Variants in ABCA13 observed in about 807,000 individuals in gnomAD.
ABCA13 encodes the protein ATP binding cassette subfamily A member 13, also known as ATP-binding cassette sub-family A member 13.
ABCA13 carries 476 observed loss-of-function variants against 478.7 expected under a neutral mutation model. The observed-to-expected ratio is 0.99, with a 90% CI of 0.92 to 1.07. ABCA13 has a LOEUF of 1.07. ABCA13 is among the 50% of genes least tolerant of loss of function. The pLI is 0.00. For synonymous variants in ABCA13, 2,252 were observed against 2,158.9 expected, an observed-to-expected ratio of 1.04 and a Z score of -1.20; for missense variants, 6,060 against 5,910.6, an observed-to-expected ratio of 1.03 and a Z score of -0.83.
intron 3 of ABCA13, among the ~76,000 whole-genome samples, chr7:48,206,413 G>A (rs1425549793): frequency 6.6e-6 from 1 of 152,226 alleles, no homozygotes; most frequent in Non-Finnish European, 1.5e-5. Context: ...GGCTAGGTAT[G>A]TAGTAGGCTC....
At chr7:48,343,492 A>T (rs1194964119) in intron 29 of ABCA13, among the ~76,000 whole-genome samples, 1 of 152,156 alleles carries the variant, frequency 6.6e-6, no homozygotes, top group Non-Finnish European at 1.5e-5. Context: ...TTTTGGCAGG[A>T]TCAAATACCA....
At chr7:48,187,006 T>G (rs1003039819) in intron 1 of ABCA13, among the ~76,000 whole-genome samples, 2 of 116,694 alleles carry the variant, frequency 1.7e-5, no homozygotes, top group Non-Finnish European at 3.5e-5. Flanking sequence ...TATGCATATA[T>G]ATATGTGTGT....
At chr7:48,251,051 A>G (rs1792476494) in intron 15 of ABCA13, among the ~76,000 whole-genome samples, 2 of 152,214 alleles carry the variant, frequency 1.3e-5, no homozygotes, top group African/African-American at 2.4e-5. Flanking sequence ...TGTAGCTCTC[A>G]GTATCAAATC....
chr7:48,408,046 A>G (rs1818493780), intron 39 of ABCA13, among the ~76,000 whole-genome samples: 1 of 152,206 alleles, frequency 6.6e-6, no homozygotes, highest in African/African-American at 2.4e-5. Context: ...GCTAATTTAC[A>G]TGTGCATCAC....
At chr7:48,438,884 G>GTTTTGTT (rs377348909) in intron 42 of ABCA13, among the ~76,000 whole-genome samples, 47 of 139,420 alleles carry the variant, frequency 3.4e-4, no homozygotes, top group East Asian at 3.1e-3. Flanking sequence ...TTTTGCTAAG[G>GTTTTGTT]TTTTTTTTTT....
intron 43 of ABCA13, among the ~76,000 whole-genome samples, chr7:48,463,485 G>C (rs1826496873): frequency 6.6e-6 from 1 of 152,158 alleles, no homozygotes. Context: ...GGTCTCTGGA[G>C]ATTTGCAGGT....
intron 50 of ABCA13, among the ~76,000 whole-genome samples, chr7:48,509,071 AGG>A (rs774349466): frequency 5.9e-5 from 9 of 152,310 alleles, no homozygotes; most frequent in Non-Finnish European, 1.2e-4. Flanking sequence ...AGGATTCCCA[AGG>A]GCCTATCCTT....
chr7:48,512,692 T>C (rs1203900231), intron 51 of ABCA13, among the ~76,000 whole-genome samples: 2 of 152,226 alleles, frequency 1.3e-5, no homozygotes, highest in Non-Finnish European at 2.9e-5. Context: ...AACACGCTTT[T>C]AGAAATTTTT....
At chr7:48,288,114 T>G in intron 20 of ABCA13, 36 bp downstream of exon 20, 1 of 1,572,924 alleles carries the variant, frequency 6.4e-7, no homozygotes. Flanking sequence ...AATTTCATGT[T>G]CATGACTATT....
chr7:48,452,683 G>A (rs1041403633), intron 42 of ABCA13, among the ~76,000 whole-genome samples: 2 of 152,188 alleles, frequency 1.3e-5, no homozygotes, highest in African/African-American at 4.8e-5. Context: ...AAGCTGCTAC[G>A]TAAAGGCTAA....
chr7:48,400,157 T>C (rs1376581712), intron 38 of ABCA13, among the ~76,000 whole-genome samples: 1 of 152,126 alleles, frequency 6.6e-6, no homozygotes, highest in East Asian at 1.9e-4. Context: ...GGAATCCCTA[T>C]AGCTCCTGGG....
chr7:48,182,446 A>G (rs182735856), intron 1 of ABCA13, among the ~76,000 whole-genome samples: 1 of 152,284 alleles, frequency 6.6e-6, no homozygotes, highest in Admixed American at 6.5e-5. Context: ...GGGTTGTACC[A>G]ATATGCATCT....
At chr7:48,322,265 A>C (rs1371485129) in intron 27 of ABCA13, among the ~76,000 whole-genome samples, 2 of 152,140 alleles carry the variant, frequency 1.3e-5, no homozygotes, top group East Asian at 3.9e-4. Flanking sequence ...CAGAGGAGGG[A>C]CTCTGATAGT....
chr7:48,587,264 G>C lies in ABCA13; in HGVS notation c.14616G>C (p.Val4872=). The part of the protein sequence containing the change: ...KRKLSTALAL[V]GKPDILLLDE... ...AACTCTCTACAGCCCTGGCCCTGGT[G>C]GGGAAACCTGACATTCTTTTATTGG... The change falls in exon 57 of 62, where the codon GTG becomes GTC. Residue 4872 remains valine (V), a synonymous_variant. Coordinates refer to ENST00000435803, the MANE Select transcript of ABCA13 (RefSeq NM_152701.5). 6.2e-7 allele frequency: 1 copy of C among 1,609,332 alleles called. No individual in the cohort carries two copies. The highest frequency in any genetic ancestry group is 8.5e-7 in the Non-Finnish European group (1 of 1,177,634).
chr7:48,346,550 T>G (rs2128971153), intron 29 of ABCA13, among the ~76,000 whole-genome samples: 1 of 151,994 alleles, frequency 6.6e-6, no homozygotes, highest in South Asian at 2.1e-4. Flanking sequence ...TACTTTTTGG[T>G]TTTCTATTTT....
rs1159806362 is a variant in ABCA13 at position 48,498,268 on chromosome 7, G to C, written c.13292-8068G>C. Among the ~76,000 whole-genome samples the C allele has an allele frequency of 3.9e-5, 6 of 152,242 alleles. No individual in the cohort carries two copies. The East Asian group carries it at 9.7e-4, about 25-fold the overall frequency. On this transcript the variant is annotated intron_variant, in intron 48 of 61. Coordinates refer to ENST00000435803, the MANE Select transcript of ABCA13 (RefSeq NM_152701.5). ...GTAAGGCAGATATTGCTAAAAAGTA[G>C]TTCTTTTGTTAGACCACTCTTTTCC...
intron 55 of ABCA13, among the ~76,000 whole-genome samples, chr7:48,544,459 C>T (rs1021461726): frequency 3.3e-5 from 5 of 151,638 alleles, no homozygotes; most frequent in Admixed American, 6.6e-5. Flanking sequence ...GATGATGAGA[C>T]GCTGAAGGTT....
At chr7:48,349,779 G>C (rs138081257) in intron 29 of ABCA13, among the ~76,000 whole-genome samples, 1 of 152,196 alleles carries the variant, frequency 6.6e-6, no homozygotes, top group African/African-American at 2.4e-5. Flanking sequence ...GGGTGGAAAT[G>C]AGCACAGGGA....
At chr7:48,399,149 CA>C (rs1355886523) in intron 38 of ABCA13, among the ~76,000 whole-genome samples, 9 of 151,532 alleles carry the variant, frequency 5.9e-5, no homozygotes, top group East Asian at 5.8e-4. Context: ...AGTTTTGCTG[CA>C]AAAAAAGCAA....
Sources: allele counts gnomAD v4.1 joint callset (sites outside exome capture counted in the v4.1 genomes callset), GRCh38; gene constraint gnomAD v4.1.1; transcripts MANE v1.5; gene names NCBI Gene and HGNC (gene_info 2026-07-23, HGNC 2026-07-21).